TBCC: variants seen among roughly 807,000 people sequenced by gnomAD.
TBCC encodes tubulin folding cofactor C, also known as tubulin-specific chaperone C.
A neutral mutation model predicts 25.3 loss-of-function variants in TBCC; 25 were observed. The observed-to-expected ratio is 0.99, with a 90% CI of 0.72 to 1.38. The LOEUF is 1.38. Among genes scored for constraint, TBCC ranks in the 40% most tolerant of loss-of-function variants. The pLI, the probability that TBCC is intolerant of heterozygous loss-of-function variation, is 0.00. For missense variants in TBCC, 507 were observed against 447.2 expected, an observed-to-expected ratio of 1.13 and a Z score of -1.21; for synonymous variants, 226 against 192.8, an observed-to-expected ratio of 1.17 and a Z score of -1.43.
chr6:42,744,695 C>T lies in TBCC; in HGVS notation c.*338G>A, dbSNP rs1266339605. On this transcript the variant is annotated 3_prime_UTR_variant, in exon 1 of 1. Coordinates refer to ENST00000372876, the MANE Select transcript of TBCC (RefSeq NM_003192.3). ...CTGAAGCGGGTGGATCACCTGAGGT[C>T]AGGAGTTCGAGAGCAGCCCGGACAA... The T allele has an allele frequency of 6.0e-6, 1 of 167,646 alleles. No homozygotes were observed. Among genetic ancestry groups the T allele is most frequent in the Non-Finnish European group, 1.3e-5 (1 of 78,514 alleles). The allele number at this position is 167,646 out of a possible 1,614,324, so 10.4% of individuals were successfully genotyped here.
chr6:42,744,863 T>C lies in TBCC; in HGVS notation c.*170A>G, dbSNP rs1762229779. The C allele has an allele frequency of 1.2e-5, 8 of 672,222 alleles. No individual in the cohort carries two copies. The highest frequency in any genetic ancestry group is 5.9e-5 in the Admixed American group (2 of 34,122). The allele number at this position is 672,222 out of a possible 1,614,324, so 41.6% of individuals were successfully genotyped here. ...AAATAGCAAAAATGCTTTAGTGTTATACCTGTTACGAATTTAATGGAAATT... is the reference window on the plus strand; with the variant it reads ...AAATAGCAAAAATGCTTTAGTGTTACACCTGTTACGAATTTAATGGAAATT... On this transcript the variant is annotated 3_prime_UTR_variant, in exon 1 of 1. Coordinates refer to ENST00000372876, the MANE Select transcript of TBCC (RefSeq NM_003192.3).
Position 42,745,702 on chromosome 6 carries a change from C to T in TBCC, c.372G>A (p.Leu124=). The T allele has an allele frequency of 1.9e-6, 3 of 1,612,656 alleles. No homozygotes were observed. The highest frequency in any genetic ancestry group is 2.5e-6 in the Non-Finnish European group (3 of 1,179,512). Residue 124 remains leucine (L), a synonymous_variant, in exon 1 of 1, where the codon TTG becomes TTA. Coordinates refer to ENST00000372876, the MANE Select transcript of TBCC (RefSeq NM_003192.3). The surrounding 1 kb of genome is among the most constrained non-coding windows in gnomAD (Gnocchi z 4.2). ...GCTGCAGCCCCCGGCGCCGCTCGGC[C>T]AAGGCCGCCTGCAGCCGCGCCAGCG... The part of the protein sequence containing the change: ...QEALARLQAA[L]AERRRGLQPK...
Position 42,745,071 on chromosome 6 carries a change from T to A in TBCC, c.1003A>T (p.Ile335Phe). ...ATATTTCGCTCCTCTTCAGGAAGAATACTCCAGTTTGGGGAGGCCATATCC... is the reference window on the plus strand; with the variant it reads ...ATATTTCGCTCCTCTTCAGGAAGAAAACTCCAGTTTGGGGAGGCCATATCC... Reference protein sequence around the residue: ...ARDMASPNWSILPEEERNIQW... With the variant: ...ARDMASPNWSFLPEEERNIQW... Residue 335 changes from isoleucine (I) to phenylalanine (F), a missense_variant, in exon 1 of 1, where the codon ATT (isoleucine) becomes TTT (phenylalanine). Transcript: ENST00000372876. This position sits in a 1 kb window ranked among gnomAD's most constrained non-coding sequence, Gnocchi z 4.2. 1 of 1,614,214 alleles carries A rather than the reference T, an allele frequency of 6.2e-7. No homozygotes were observed. Among genetic ancestry groups the A allele is most frequent in the South Asian group, 1.1e-5 (1 of 91,082 alleles).
Position 42,745,502 on chromosome 6 carries a change from G to A in TBCC, c.572C>T (p.Ser191Phe), listed in dbSNP as rs1464436143. Reference sequence around the variant, plus strand: ...GCTGGCTCTCTTCTCCAAGACTTGGGACTCCAGGTTGGAGAAACCGCAGAC... The same window carrying A: ...GCTGGCTCTCTTCTCCAAGACTTGGAACTCCAGGTTGGAGAAACCGCAGAC... Reference protein sequence around the residue: ...SWVCGFSNLESQVLEKRASEL... With the variant: ...SWVCGFSNLEFQVLEKRASEL... Residue 191 changes from serine to phenylalanine, a missense_variant, in exon 1 of 1, where the codon TCC (serine) becomes TTC (phenylalanine). Ser to Phe is a radical substitution (Grantham distance 155). Coordinates refer to ENST00000372876, the MANE Select transcript of TBCC (RefSeq NM_003192.3). The surrounding 1 kb of genome is among the most constrained non-coding windows in gnomAD (Gnocchi z 4.2). 1 of 1,611,710 alleles carries A rather than the reference G, an allele frequency of 6.2e-7. No individual in the cohort carries two copies. The highest frequency in any genetic ancestry group is 1.3e-5 in the African/African-American group (1 of 75,022).
In TBCC at chr6:42,744,962, CG is replaced by C; in HGVS notation, c.*70del. The C allele has an allele frequency of 7.0e-7, 1 of 1,436,094 alleles. No homozygotes were observed. Among genetic ancestry groups the C allele is most frequent in the Non-Finnish European group, 9.6e-7 (1 of 1,044,518 alleles). The allele number at this position is 1,436,094 out of a possible 1,614,324, so 89.0% of individuals were successfully genotyped here. ...ACACAGTGTGACAATAAGTAAACTT[CG>C]AGACCCAATAAGGGGGAAAGTCCAA... is the stretch of plus-strand genomic sequence containing the variant. On this transcript the variant is annotated 3_prime_UTR_variant, in exon 1 of 1. Transcript: ENST00000372876.
At position 42,745,022 on chromosome 6, in the gene TBCC, G is replaced by A. The variant is rs771186167; in HGVS notation, c.*11C>T. The A allele has an allele frequency of 5.0e-6, 8 of 1,609,652 alleles. No homozygotes were observed. The South Asian group carries it at 8.8e-5, about 18-fold the overall frequency. ...GTATTTGGTAGGAGTGAAGAACAGA[G>A]TGACAACTGCTTAGTCCCACTGGAT... On this transcript the variant is annotated 3_prime_UTR_variant, in exon 1 of 1. Transcript: ENST00000372876. The surrounding 1 kb of genome is among the most constrained non-coding windows in gnomAD (Gnocchi z 4.2).
At position 42,744,802 on chromosome 6, in the gene TBCC, G is replaced by A. The variant is rs1242025429; in HGVS notation, c.*231C>T. 2 of 429,490 alleles carry A rather than the reference G, an allele frequency of 4.7e-6. No individual in the cohort carries two copies. The highest frequency in any genetic ancestry group is 7.8e-5 in the Admixed American group (2 of 25,770). The allele number at this position is 429,490 out of a possible 1,614,324, so 26.6% of individuals were successfully genotyped here. On this transcript the variant is annotated 3_prime_UTR_variant, in exon 1 of 1. Coordinates refer to ENST00000372876, the MANE Select transcript of TBCC (RefSeq NM_003192.3). Reference sequence around the variant, plus strand: ...TAATCCCAGCGCGCCACCACGCTGGGGGACGGAGTAAGACTCAGTCTCAAA... The same window carrying A: ...TAATCCCAGCGCGCCACCACGCTGGAGGACGGAGTAAGACTCAGTCTCAAA...
In TBCC at chr6:42,745,522, G is replaced by T. The variant is rs1315630170; in HGVS notation, c.552C>A (p.Cys184Ter). The change falls in exon 1 of 1, where the codon TGC (cysteine) becomes TGA (stop). Residue 184 changes from cysteine (C) to a stop codon, truncating the protein, a stop_gained. Transcript: ENST00000372876. LOFTEE classifies it high-confidence loss of function. This position sits in a 1 kb window ranked among gnomAD's most constrained non-coding sequence, Gnocchi z 4.2. ...AEGDLGPSWVCGFSNLESQVL... is the reference protein window; with the variant it reads ...AEGDLGPSWV ...CTTGGGACTCCAGGTTGGAGAAACC[G>T]CAGACCCAGCTGGGGCCGAGGTCTC... 1 of 1,610,656 alleles carries T rather than the reference G, an allele frequency of 6.2e-7. No homozygotes were observed. The highest frequency in any genetic ancestry group is 8.5e-7 in the Non-Finnish European group (1 of 1,178,570).
Position 42,744,796 on chromosome 6 carries a change from C to G in TBCC, c.*237G>C, listed in dbSNP as rs1762228583. 1 of 407,876 alleles carries G rather than the reference C, an allele frequency of 2.5e-6. No homozygotes were observed. The highest frequency in any genetic ancestry group is 4.3e-6 in the Non-Finnish European group (1 of 231,532). The allele number at this position is 407,876 out of a possible 1,614,324, so 25.3% of individuals were successfully genotyped here. On this transcript the variant is annotated 3_prime_UTR_variant, in exon 1 of 1. Coordinates refer to ENST00000372876, the MANE Select transcript of TBCC (RefSeq NM_003192.3). ...CGCCTGTAATCCCAGCGCGCCACCA[C>G]GCTGGGGGACGGAGTAAGACTCAGT...
In TBCC at chr6:42,744,969, C is replaced by T; in HGVS notation, c.*64G>A. On this transcript the variant is annotated 3_prime_UTR_variant, in exon 1 of 1. Coordinates refer to ENST00000372876, the MANE Select transcript of TBCC (RefSeq NM_003192.3). ...GTGACAATAAGTAAACTTCGAGACCCAATAAGGGGGAAAGTCCAACGTGGA... is the reference window on the plus strand; with the variant it reads ...GTGACAATAAGTAAACTTCGAGACCTAATAAGGGGGAAAGTCCAACGTGGA... 6.7e-7 allele frequency: 1 copy of T among 1,495,644 alleles called. No homozygotes were observed. The highest frequency in any genetic ancestry group is 9.2e-7 in the Non-Finnish European group (1 of 1,091,930). 92.6% of individuals were successfully genotyped at this position (1,495,644 alleles called of 1,614,324 possible). A position where few individuals can be genotyped will look rare whatever the true frequency, so the allele number is the denominator to read the frequency against.
Position 42,745,850 on chromosome 6 carries a change from A to T in TBCC, c.224T>A (p.Leu75Gln). ...VRERAAVEEL[L>Q]ERAESVERLE... is the part of the protein sequence containing the mutation. ...CCGCTCGACCGACTCCGCGCGCTCC[A>T]GAAGCTCTTCCACGGCCGCTCGCTC... is the stretch of plus-strand genomic sequence containing the variant. Residue 75 changes from leucine to glutamine, a missense_variant, in exon 1 of 1, where the codon CTG becomes CAG. Leu to Gln is a moderately radical substitution (Grantham distance 113). Transcript: ENST00000372876. This position sits in a 1 kb window ranked among gnomAD's most constrained non-coding sequence, Gnocchi z 4.2. The T allele has an allele frequency of 6.2e-7, 1 of 1,613,618 alleles. No homozygotes were observed. Among genetic ancestry groups the T allele is most frequent in the Non-Finnish European group, 8.5e-7 (1 of 1,180,032 alleles).
At position 42,745,211 on chromosome 6, in the gene TBCC, T is replaced by C; in HGVS notation, c.863A>G (p.Gln288Arg). ...GTAGCTCCAGGTGTAAGGGGCGAAC[T>C]GGATCCCACTGCAGTCCTCCACGAT... ...RAIVEDCSGI[Q>R]FAPYTWSYPE... Residue 288 changes from glutamine (Q) to arginine (R), a missense_variant, in exon 1 of 1, where the codon CAG becomes CGG. Transcript: ENST00000372876. The surrounding 1 kb of genome is among the most constrained non-coding windows in gnomAD (Gnocchi z 4.2). The C allele has an allele frequency of 6.2e-7, 1 of 1,614,216 alleles. No homozygotes were observed. The highest frequency in any genetic ancestry group is 1.3e-5 in the African/African-American group (1 of 75,056).
rs969487338 is a variant in TBCC at position 42,745,913 on chromosome 6, T to A, written c.161A>T (p.Lys54Met). The A allele has an allele frequency of 6.2e-7, 1 of 1,614,072 alleles. No homozygotes were observed. Among genetic ancestry groups the A allele is most frequent in the Non-Finnish European group, 8.5e-7 (1 of 1,180,048 alleles). ...KQKRQNQEVE[K>M]ENSHFFVATF... The stretch of plus-strand genomic sequence containing the variant: ...GGCGACGAAAAAGTGGCTGTTCTCC[T>A]TCTCTACCTCCTGGTTCTGCCGCTT... The change falls in exon 1 of 1, where the codon AAG becomes ATG. Residue 54 changes from lysine to methionine, a missense_variant. Transcript: ENST00000372876. This position sits in a 1 kb window ranked among gnomAD's most constrained non-coding sequence, Gnocchi z 4.2.
Position 42,745,225 on chromosome 6 carries a change from G to A in TBCC, c.849C>T (p.Asp283=), listed in dbSNP as rs200249363. 3 of 1,614,224 alleles carry A rather than the reference G, an allele frequency of 1.9e-6. No homozygotes were observed. The highest frequency in any genetic ancestry group is 2.2e-5 in the East Asian group (1 of 44,876). The change falls in exon 1 of 1, where the codon GAC becomes GAT. Residue 283 remains aspartate, a synonymous_variant. Transcript: ENST00000372876. The surrounding 1 kb of genome is among the most constrained non-coding windows in gnomAD (Gnocchi z 4.2). ...AAGGGGCGAACTGGATCCCACTGCA[G>A]TCCTCCACGATGGCCCTGCTGGTCA... ...LQVTSRAIVE[D]CSGIQFAPYT...
Position 42,745,642 on chromosome 6 carries a change from C to T in TBCC, c.432G>A (p.Lys144=). Residue 144 remains lysine (K), a synonymous_variant, in exon 1 of 1, where the codon AAG becomes AAA. Transcript: ENST00000372876. The surrounding 1 kb of genome is among the most constrained non-coding windows in gnomAD (Gnocchi z 4.2). The part of the protein sequence containing the change: ...KKRFAFKTRG[K]DAASSTKVDA... ...CTACTTTGGTAGACGAAGCAGCATC[C>T]TTTCCCCGGGTCTTGAAAGCGAAAC... The T allele has an allele frequency of 1.9e-6, 3 of 1,612,654 alleles. No homozygotes were observed. The highest frequency in any genetic ancestry group is 2.5e-6 in the Non-Finnish European group (3 of 1,179,360).
chr6:42,745,820 T>A lies in TBCC; in HGVS notation c.254A>T (p.Glu85Val), dbSNP rs768113400. 1 of 1,612,306 alleles carries A rather than the reference T, an allele frequency of 6.2e-7. No homozygotes were observed. The highest frequency in any genetic ancestry group is 1.3e-5 in the African/African-American group (1 of 74,930). The change falls in exon 1 of 1, where the codon GAG (glutamate) becomes GTG (valine). Residue 85 changes from glutamate to valine, a missense_variant. Physicochemically the swap from Glu to Val is moderately radical, Grantham distance 121. Transcript: ENST00000372876. The surrounding 1 kb of genome is among the most constrained non-coding windows in gnomAD (Gnocchi z 4.2). ...LERAESVERLEEAASRLQGLQ... is the reference protein window; with the variant it reads ...LERAESVERLVEAASRLQGLQ... ...CCCCTGGAGCCGAGAGGCCGCCTCC[T>A]CCAGCCGCTCGACCGACTCCGCGCG...
Position 42,745,259 on chromosome 6 carries a change from A to C in TBCC, c.815T>G (p.Phe272Cys). The C allele has an allele frequency of 6.2e-7, 1 of 1,614,196 alleles. No individual in the cohort carries two copies. Among genetic ancestry groups the C allele is most frequent in the Non-Finnish European group, 8.5e-7 (1 of 1,180,028 alleles). ...RIHSTKDTRI[F>C]LQVTSRAIVE... ...GATGGCCCTGCTGGTCACCTGCAGG[A>C]AGATGCGGGTGTCTTTCGTACTGTG... The change falls in exon 1 of 1, where the codon TTC becomes TGC. Residue 272 changes from phenylalanine (F) to cysteine (C), a missense_variant. Coordinates refer to ENST00000372876, the MANE Select transcript of TBCC (RefSeq NM_003192.3). The surrounding 1 kb of genome is among the most constrained non-coding windows in gnomAD (Gnocchi z 4.2).
In TBCC at chr6:42,745,388, T is replaced by C; in HGVS notation, c.686A>G (p.Lys229Arg). The C allele has an allele frequency of 1.2e-6, 2 of 1,614,218 alleles. No homozygotes were observed. The highest frequency in any genetic ancestry group is 2.2e-5 in the South Asian group (2 of 91,082). The change falls in exon 1 of 1, where the codon AAG (lysine) becomes AGG (arginine). Residue 229 changes from lysine to arginine, a missense_variant. Physicochemically the swap from Lys to Arg is conservative, Grantham distance 26. Transcript: ENST00000372876. The surrounding 1 kb of genome is among the most constrained non-coding windows in gnomAD (Gnocchi z 4.2). ...GCAGAGCAGCTTGCAGCTGTGGGCC[T>C]TGGTTAGCCGCAGGGTGTTGGGATT... ...YGNPNTLRLT[K>R]AHSCKLLCGP...
At position 42,746,078 on chromosome 6, in the gene TBCC, G is replaced by A. The variant is rs368455557; in HGVS notation, c.-5C>T. On this transcript the variant is annotated 5_prime_UTR_variant, in exon 1 of 1. Transcript: ENST00000372876. ...GGAGCAACTGACGGACTCCATATTG[G>A]CTTCAAGCTTCCTCTCTCTTGTCTT... 2.2e-5 allele frequency: 36 copies of A among 1,606,742 alleles called. No individual in the cohort carries two copies. In the African/African-American group the frequency reaches 3.2e-4, roughly 14 times the overall value.
Sources: allele counts gnomAD v4.1 joint callset, GRCh38; gene constraint gnomAD v4.1.1; non-coding constraint Gnocchi (gnomAD v3.1); transcripts MANE v1.5; gene names NCBI Gene and HGNC (gene_info 2026-07-23, HGNC 2026-07-21).